The following STEAP4 variants were observed in gnomAD, a reference collection of about 807,000 sequenced individuals.
The protein encoded by STEAP4 is metalloreductase STEAP4.
STEAP4 carries 36 observed loss-of-function variants against 43.6 expected under a neutral mutation model. The ratio of observed to expected loss-of-function variants is 0.83; its 90% CI spans 0.63 to 1.09. The LOEUF is 1.09. Among genes scored for constraint, STEAP4 ranks in the 50% least tolerant of loss-of-function variants. The pLI, the probability that STEAP4 is intolerant of heterozygous loss-of-function variation, is 0.00. For synonymous variants in STEAP4, 191 were observed against 196.7 expected, an observed-to-expected ratio of 0.97 and a Z score of 0.24; for missense variants, 495 against 546.5, an observed-to-expected ratio of 0.91 and a Z score of 0.94.
chr7:88,277,392 C>T lies in STEAP4; in HGVS notation c.*2006G>A, dbSNP rs1852530083. The T allele has an allele frequency of 6.6e-6, 1 of 152,152 alleles. No homozygotes were observed. The allele number at this position is 152,152 out of a possible 1,614,324, so 9.4% of individuals were successfully genotyped here. ...AATGGTGCGATGAAAGCAACACCCTCATCCAATGGTAATTAAATTGATAAG... is the reference window on the plus strand; with the variant it reads ...AATGGTGCGATGAAAGCAACACCCTTATCCAATGGTAATTAAATTGATAAG... On this transcript the variant is annotated 3_prime_UTR_variant, in exon 5 of 5. Coordinates refer to ENST00000380079, the MANE Select transcript of STEAP4 (RefSeq NM_024636.4).
At chr7:88,283,752 A>T in intron 2 of STEAP4, 62 bp downstream of exon 2, 1 of 1,481,830 alleles carries the variant, frequency 6.7e-7, no homozygotes, top group Non-Finnish European at 9.1e-7. Context: ...GGAATCTTTG[A>T]GGCAAGTGCA....
At chr7:88,303,993 T>G (rs1433791716) in intron 1 of STEAP4, 1 of 152,216 alleles carries the variant, frequency 6.6e-6, no homozygotes, top group African/African-American at 2.4e-5. Flanking sequence ...GTTCAGGAAG[T>G]TTTCCTAATT....
At chr7:88,303,184 T>TAAAAAA (rs112528523) in intron 1 of STEAP4, among the ~76,000 whole-genome samples, 6 of 101,696 alleles carry the variant, frequency 5.9e-5, no homozygotes, top group Admixed American at 1.1e-4. Context: ...TAATCTGCAT[T>TAAAAAA]AAAAAAAAAA....
At position 88,272,785 on chromosome 7, in the gene STEAP4, G is replaced by T. The variant is rs993732034; in HGVS notation, c.*6613C>A. The T allele has an allele frequency of 2.0e-5, 3 of 152,192 alleles. No individual in the cohort carries two copies. Among genetic ancestry groups the T allele is most frequent in the Non-Finnish European group, 4.4e-5 (3 of 68,030 alleles). 9.4% of individuals were successfully genotyped at this position (152,192 alleles called of 1,614,324 possible). On this transcript the variant is annotated 3_prime_UTR_variant, in exon 5 of 5. Transcript: ENST00000380079. ...TAAATGATCACACTAAGAAAAATGG[G>T]TAGAAGTACAACTAGGGAAACTTTG...
intron 1 of STEAP4, 32 bp from the exon 2 acceptor site, chr7:88,284,303 A>G: frequency 2.1e-6 from 3 of 1,429,174 alleles, no homozygotes; most frequent in Non-Finnish European, 2.8e-6. Flanking sequence ...GCCCAACAAA[A>G]TATAAATGCT....
intron 1 of STEAP4, chr7:88,303,961 A>C (rs1268252873): frequency 1.3e-5 from 2 of 152,240 alleles, no homozygotes; most frequent in African/African-American, 4.8e-5. Context: ...TCTTGAGTGG[A>C]GTTAACACAG....
intron 1 of STEAP4, chr7:88,290,531 C>T (rs929350848): frequency 3.3e-5 from 5 of 152,114 alleles, no homozygotes; most frequent in South Asian, 2.1e-4. Context: ...AACTCCGTAT[C>T]GAGGGAATTT....
At chr7:88,280,769 T>A (rs1852604385) in intron 4 of STEAP4, 146 bp downstream of exon 4, 3 of 780,236 alleles carry the variant, frequency 3.8e-6, no homozygotes, top group Non-Finnish European at 6.0e-6. Flanking sequence ...CAGTCAGGAA[T>A]CTTGGCGAGT....
Position 88,284,164 on chromosome 7 carries a change from AT to A in STEAP4, c.105del (p.Leu36Ter). 6.2e-7 allele frequency: 1 copy of A among 1,614,144 alleles called. No homozygotes were observed. The highest frequency in any genetic ancestry group is 8.5e-7 in the Non-Finnish European group (1 of 1,180,020). On this transcript the variant is annotated frameshift_variant, in exon 2 of 5. Transcript: ENST00000380079. LOFTEE classifies it high-confidence loss of function. ...FGTGDFGRSL[G>X]LKMLQCGYSV... ...GAATAACCACACTGGAGCATTTTCA[AT>A]CCCAGTGATCTTCCAAAATCACCAG... is the stretch of plus-strand genomic sequence containing the variant.
Position 88,277,073 on chromosome 7 carries a change from A to T in STEAP4, c.*2325T>A, listed in dbSNP as rs1394589882. 1.3e-5 allele frequency: 2 copies of T among 152,200 alleles called. No homozygotes were observed. The highest frequency in any genetic ancestry group is 1.3e-4 in the Admixed American group (2 of 15,284). 9.4% of individuals were successfully genotyped at this position (152,200 alleles called of 1,614,324 possible). A position where few individuals can be genotyped will look rare whatever the true frequency, so the allele number is the denominator to read the frequency against. On this transcript the variant is annotated 3_prime_UTR_variant, in exon 5 of 5. Transcript: ENST00000380079. ...CATGGTTAACTCCAAAGACTTCTCT[A>T]GACCAGCCTGGATGGTACCTAAACT...
At chr7:88,293,217 A>G (rs1852867357) in intron 1 of STEAP4, among the ~76,000 whole-genome samples, 1 of 152,040 alleles carries the variant, frequency 6.6e-6, no homozygotes, top group Non-Finnish European at 1.5e-5. Context: ...ATTATGTTGC[A>G]TATCTCTTAA....
At chr7:88,279,841 G>A (rs1852587775) in intron 4 of STEAP4, among the ~76,000 whole-genome samples, 1 of 152,164 alleles carries the variant, frequency 6.6e-6, no homozygotes, top group Non-Finnish European at 1.5e-5. Context: ...AAATGACATA[G>A]TAGCTTCACC....
chr7:88,300,440 T>C (rs1275964597), intron 1 of STEAP4, among the ~76,000 whole-genome samples: 1 of 152,242 alleles, frequency 6.6e-6, no homozygotes. Context: ...TTCAAACTCC[T>C]GGCCTCAAGT....
chr7:88,280,005 G>A (rs1392420815), intron 4 of STEAP4, among the ~76,000 whole-genome samples: 1 of 152,178 alleles, frequency 6.6e-6, no homozygotes, highest in Non-Finnish European at 1.5e-5. Context: ...ACCTCAAGAA[G>A]CACCATCTTA....
chr7:88,277,057 C>T lies in STEAP4; in HGVS notation c.*2341G>A, dbSNP rs940091622. 6.6e-6 allele frequency: 1 copy of T among 152,166 alleles called. No individual in the cohort carries two copies. Among genetic ancestry groups the T allele is most frequent in the African/African-American group, 2.4e-5 (1 of 41,446 alleles). The allele number at this position is 152,166 out of a possible 1,614,324, so 9.4% of individuals were successfully genotyped here. A position where few individuals can be genotyped will look rare whatever the true frequency, so the allele number is the denominator to read the frequency against. On this transcript the variant is annotated 3_prime_UTR_variant, in exon 5 of 5. Transcript: ENST00000380079. ...TCTTTAACAAAAAGAGCATGGTTAA[C>T]TCCAAAGACTTCTCTAGACCAGCCT... is the stretch of plus-strand genomic sequence containing the variant.
At position 88,279,057 on chromosome 7, in the gene STEAP4, A is replaced by C; in HGVS notation, c.*341T>G. On this transcript the variant is annotated 3_prime_UTR_variant, in exon 5 of 5. Transcript: ENST00000380079. ...CAGAGAAGGAAGCTGCAATACTTCTATTGGATTTTGCAAGACATTAGGTCA... is the reference window on the plus strand; with the variant it reads ...CAGAGAAGGAAGCTGCAATACTTCTCTTGGATTTTGCAAGACATTAGGTCA... 1 of 252,898 alleles carries C rather than the reference A, an allele frequency of 4.0e-6. No individual in the cohort carries two copies. The highest frequency in any genetic ancestry group is 7.8e-6 in the Non-Finnish European group (1 of 128,338). The allele number at this position is 252,898 out of a possible 1,614,324, so 15.7% of individuals were successfully genotyped here. A position where few individuals can be genotyped will look rare whatever the true frequency, so the allele number is the denominator to read the frequency against.
chr7:88,292,836 C>G (rs1054693788), intron 1 of STEAP4: 2 of 152,148 alleles, frequency 1.3e-5, no homozygotes, highest in South Asian at 4.1e-4. Flanking sequence ...GCATAACATA[C>G]TTAAGATCCA....
chr7:88,303,652 A>T (rs760795985), intron 1 of STEAP4, among the ~76,000 whole-genome samples: 6 of 152,212 alleles, frequency 3.9e-5, no homozygotes, highest in Admixed American at 6.5e-5. Context: ...TGCCTAGTTA[A>T]TTAGAGTGTA....
At chr7:88,279,777 C>G (rs1852586329) in intron 4 of STEAP4, 149 bp from the exon 5 acceptor site, 1 of 631,724 alleles carries the variant, frequency 1.6e-6, no homozygotes, top group Non-Finnish European at 2.7e-6. Flanking sequence ...AAAAAAAGCA[C>G]TAACCCTTCT....
Sources: gnomAD v4.1 joint callset for allele counts (sites outside exome capture counted in the v4.1 genomes callset) on GRCh38, gnomAD v4.1.1 for gene constraint, MANE v1.5 for transcripts, NCBI Gene and HGNC (gene_info 2026-07-23, HGNC 2026-07-21) for gene names.